DSCAM: variants seen among roughly 807,000 people sequenced by gnomAD.
The protein encoded by DSCAM is cell adhesion molecule DSCAM.
Under a neutral mutation model 217.7 loss-of-function variants are expected in DSCAM, and 47 were observed. The ratio of observed to expected loss-of-function variants is 0.22; its 90% CI spans 0.17 to 0.28. DSCAM has a LOEUF of 0.28. Among genes scored for constraint, DSCAM ranks in the 10% least tolerant of loss-of-function variants. The pLI, the probability that DSCAM is intolerant of heterozygous loss-of-function variation, is 1.00. For synonymous variants in DSCAM, 1,056 were observed against 1,015.3 expected (o/e 1.04, Z -0.76); for missense variants, 2,080 against 2,618.3 (o/e 0.79, Z 4.49).
chr21:40,059,667 A>C (rs1386198721), intron 28 of DSCAM, among the ~76,000 whole-genome samples: 11 of 152,264 alleles, frequency 7.2e-5, no homozygotes, highest in Admixed American at 7.2e-4. Flanking sequence ...GTGGAGTGAT[A>C]AAGCTAGAAA....
intron 16 of DSCAM, among the ~76,000 whole-genome samples, chr21:40,145,265 A>G (rs1265663475): frequency 6.6e-6 from 1 of 152,172 alleles, no homozygotes; most frequent in Admixed American, 6.5e-5. Context: ...TAAGAAGACA[A>G]AAGAAAAGAC....
At chr21:40,802,710 C>T (rs185256492) in intron 1 of DSCAM, among the ~76,000 whole-genome samples, 1 of 152,168 alleles carries the variant, frequency 6.6e-6, no homozygotes, top group Non-Finnish European at 1.5e-5. Flanking sequence ...CACACTCAGC[C>T]CTTCACCATG....
intron 14 of DSCAM, among the ~76,000 whole-genome samples, chr21:40,183,166 A>G (rs780509392): frequency 2.6e-5 from 4 of 151,612 alleles, no homozygotes; most frequent in Non-Finnish European, 5.9e-5. Flanking sequence ...GATGGCCCCC[A>G]CAGGAACAGA....
chr21:40,706,359 C>T (rs2090717929), intron 2 of DSCAM, among the ~76,000 whole-genome samples: 1 of 152,058 alleles, frequency 6.6e-6, no homozygotes, highest in South Asian at 2.1e-4. Context: ...CATTCCAGCC[C>T]TTAGAACAGG....
At position 40,144,828 on chromosome 21, in the gene DSCAM, G is replaced by A; in HGVS notation, c.3019-97C>T. On this transcript the variant is annotated intron_variant, in intron 16 of 32. Transcript: ENST00000400454. This position sits in a 1 kb window ranked among gnomAD's most constrained non-coding sequence, Gnocchi z 4.8. ...CACGTAGGAAAGCAGAAATAAAGTGGAGTCATCGCCACGATGCTGGGGCGG... is the reference window on the plus strand; with the variant it reads ...CACGTAGGAAAGCAGAAATAAAGTGAAGTCATCGCCACGATGCTGGGGCGG... 6.5e-7 allele frequency: 1 copy of A among 1,537,280 alleles called. No individual in the cohort carries two copies. The highest frequency in any genetic ancestry group is 8.8e-7 in the Non-Finnish European group (1 of 1,136,038).
chr21:40,118,760 G>GT (rs769543673), intron 20 of DSCAM, among the ~76,000 whole-genome samples: 1 of 152,174 alleles, frequency 6.6e-6, no homozygotes, highest in Non-Finnish European at 1.5e-5. Context: ...ATCTCTGGCC[G>GT]TATGTTTGAG....
At chr21:40,429,345 C>T (rs922042862) in intron 3 of DSCAM, among the ~76,000 whole-genome samples, 2 of 151,886 alleles carry the variant, frequency 1.3e-5, no homozygotes, top group African/African-American at 4.8e-5. Flanking sequence ...CGGCTCACTG[C>T]AACCTCTGTC....
chr21:40,140,041 G>A lies in DSCAM; in HGVS notation c.3406+2517C>T, dbSNP rs561506586. Among the ~76,000 whole-genome samples, 37 of 151,956 alleles carry A rather than the reference G, an allele frequency of 2.4e-4. No individual in the cohort carries two copies. The East Asian group carries it at 4.1e-3, about 17-fold the overall frequency. Reference sequence around the variant, plus strand: ...TGTGTGCGCACGTGTATGTGGTGTCGGTCAGCAGTCACTTCCTGCTCAGTG... The same window carrying A: ...TGTGTGCGCACGTGTATGTGGTGTCAGTCAGCAGTCACTTCCTGCTCAGTG... On this transcript the variant is annotated intron_variant, in intron 18 of 32. Transcript: ENST00000400454.
chr21:40,243,844 G>A (rs887044245), intron 11 of DSCAM, among the ~76,000 whole-genome samples: 1 of 152,128 alleles, frequency 6.6e-6, no homozygotes, highest in Non-Finnish European at 1.5e-5. Flanking sequence ...ATTTCCCCCA[G>A]TGTCATGGAG....
chr21:40,588,232 C>T (rs2076960563), intron 3 of DSCAM, among the ~76,000 whole-genome samples: 1 of 152,148 alleles, frequency 6.6e-6, no homozygotes, highest in Non-Finnish European at 1.5e-5. Context: ...TTACCTACCC[C>T]TCTGATATTA....
intron 3 of DSCAM, among the ~76,000 whole-genome samples, chr21:40,584,195 G>A (rs775211160): frequency 8.5e-5 from 13 of 152,104 alleles, no homozygotes; most frequent in Non-Finnish European, 1.3e-4. Context: ...GTCAGGTTCC[G>A]CTCCTTGGTG....
At chr21:40,625,042 A>G (rs543156537) in intron 3 of DSCAM, among the ~76,000 whole-genome samples, 15 of 152,334 alleles carry the variant, frequency 9.8e-5, no homozygotes, top group Admixed American at 9.8e-4. Flanking sequence ...AAAGGCAAAT[A>G]GTATATACAT....
At chr21:40,591,597 T>A (rs1236411075) in intron 3 of DSCAM, among the ~76,000 whole-genome samples, 3 of 152,208 alleles carry the variant, frequency 2.0e-5, no homozygotes, top group Non-Finnish European at 4.4e-5. Flanking sequence ...CCACTAGGGT[T>A]AAATTTCTTG....
intron 1 of DSCAM, among the ~76,000 whole-genome samples, chr21:40,820,209 C>A (rs2091913816): frequency 6.6e-6 from 1 of 151,980 alleles, no homozygotes; most frequent in South Asian, 2.1e-4. Flanking sequence ...TGGAAACAAC[C>A]CAAATGCCCA....
intron 1 of DSCAM, among the ~76,000 whole-genome samples, chr21:40,778,918 G>T (rs1432772596): frequency 6.6e-6 from 1 of 151,752 alleles, no homozygotes; most frequent in Non-Finnish European, 1.5e-5. Flanking sequence ...CAGCTACTCG[G>T]TAGGCTGAGG....
intron 1 of DSCAM, among the ~76,000 whole-genome samples, chr21:40,844,566 T>C (rs1385284625): frequency 9.2e-5 from 14 of 152,236 alleles, no homozygotes; most frequent in Admixed American, 9.2e-4. Context: ...GTCTTGAAAA[T>C]AATACTTGCA....
intron 1 of DSCAM, among the ~76,000 whole-genome samples, chr21:40,716,305 T>C (rs1199772458): frequency 2.0e-5 from 3 of 152,192 alleles, no homozygotes; most frequent in African/African-American, 4.8e-5. Flanking sequence ...CTTCTTTTTA[T>C]AGAGTGCCTC....
In DSCAM at chr21:40,296,049, C is replaced by G; in HGVS notation, c.2182+6G>C. On this transcript the variant is annotated splice_donor_region_variant and intron_variant, in intron 10 of 32. Coordinates refer to ENST00000400454, the MANE Select transcript of DSCAM (RefSeq NM_001389.5). ...CAGGTAACAAGTAGATCAAGTAACT[C>G]CATACCTTTAGAGAATTTCCACACG... The G allele has an allele frequency of 6.2e-7, 1 of 1,612,760 alleles. No individual in the cohort carries two copies. The highest frequency in any genetic ancestry group is 1.7e-4 in the Middle Eastern group (1 of 6,048).
chr21:40,563,646 TTA>T (rs1156253768), intron 3 of DSCAM, among the ~76,000 whole-genome samples: 3,381 of 144,880 alleles, frequency 0.023, 167 homozygotes, highest in African/African-American at 0.074. Context: ...GTATATATAG[TTA>T]TATGTTTATG....
Sources: allele counts gnomAD v4.1 joint callset (sites outside exome capture counted in the v4.1 genomes callset), GRCh38; gene constraint gnomAD v4.1.1; non-coding constraint Gnocchi (gnomAD v3.1); transcripts MANE v1.5; gene names NCBI Gene and HGNC (gene_info 2026-07-23, HGNC 2026-07-21).